The following ITFG1 variants were observed in gnomAD, a reference collection of about 807,000 sequenced individuals.
The protein encoded by ITFG1 is T-cell immunomodulatory protein.
A neutral mutation model predicts 81.8 loss-of-function variants in ITFG1; 34 were observed. The observed-to-expected ratio is 0.42, with a 90% CI of 0.32 to 0.55. The LOEUF (loss-of-function observed/expected upper bound fraction) is 0.55, where lower values mean the gene tolerates loss of function less well. Among genes scored for constraint, ITFG1 ranks in the 20% least tolerant of loss-of-function variants. ITFG1 has a pLI of 0.17. For missense variants in ITFG1, 672 were observed against 755.4 expected, an observed-to-expected ratio of 0.89 and a Z score of 1.29; for synonymous variants, 285 against 270.6, an observed-to-expected ratio of 1.05 and a Z score of -0.52.
At chr16:47,451,708 G>A (rs891637414) in intron 4 of ITFG1, among the ~76,000 whole-genome samples, 1 of 152,166 alleles carries the variant, frequency 6.6e-6, no homozygotes, top group Non-Finnish European at 1.5e-5. Flanking sequence ...GCAATGAGAA[G>A]GCATTGTGAT....
intron 14 of ITFG1, chr16:47,196,721 C>G (rs1381366560): frequency 2.6e-5 from 4 of 152,416 alleles, no homozygotes; most frequent in Admixed American, 2.6e-4. Context: ...CTTTGGGAGG[C>G]TGAGGCAGGT....
intron 2 of ITFG1, among the ~76,000 whole-genome samples, chr16:47,456,453 G>A (rs898949173): frequency 6.6e-6 from 1 of 152,118 alleles, no homozygotes; most frequent in Non-Finnish European, 1.5e-5. Flanking sequence ...ACTTTGGGAG[G>A]CCAAGGCAGG....
chr16:47,218,978 G>A (rs1274553208), intron 13 of ITFG1, 32 bp from the exon 14 acceptor site: 4 of 1,445,012 alleles, frequency 2.8e-6, no homozygotes, highest in Non-Finnish European at 2.8e-6. Flanking sequence ...GTTAAGGCTT[G>A]GAAAATAAGT....
At chr16:47,368,422 G>A (rs992461959) in intron 7 of ITFG1, among the ~76,000 whole-genome samples, 1 of 151,138 alleles carries the variant, frequency 6.6e-6, no homozygotes, top group Non-Finnish European at 1.5e-5. Context: ...GGGTTTGGTA[G>A]TGCACACCTG....
chr16:47,288,649 G>A (rs537594056), intron 10 of ITFG1, among the ~76,000 whole-genome samples: 6 of 151,812 alleles, frequency 4.0e-5, no homozygotes, highest in African/African-American at 1.4e-4. Flanking sequence ...TCGCTCTGTC[G>A]CTTAGACCAA....
chr16:47,438,879 A>T lies in ITFG1; in HGVS notation c.561-9981T>A, dbSNP rs180940476. Among the ~76,000 whole-genome samples, 220 of 152,122 alleles carry T rather than the reference A, an allele frequency of 1.4e-3. 3 individuals are homozygous for T. The highest frequency in any genetic ancestry group is 2.7e-3 in the Non-Finnish European group (185 of 67,898). Reference sequence around the variant, plus strand: ...AGAGAGGAAGGCTTCAGAAGATCAAACTACTCCGAGCTAAATGAGGAAGTT... The same window carrying T: ...AGAGAGGAAGGCTTCAGAAGATCAATCTACTCCGAGCTAAATGAGGAAGTT... On this transcript the variant is annotated intron_variant, in intron 5 of 17. Coordinates refer to ENST00000320640, the MANE Select transcript of ITFG1 (RefSeq NM_030790.5).
intron 8 of ITFG1, among the ~76,000 whole-genome samples, chr16:47,348,667 C>T (rs895163749): frequency 1.3e-5 from 2 of 152,296 alleles, no homozygotes; most frequent in African/African-American, 4.8e-5. Context: ...CTTCCCCAAC[C>T]TAGCAAGGCA....
chr16:47,186,485 T>A (rs1159856025), intron 14 of ITFG1, among the ~76,000 whole-genome samples: 1 of 152,144 alleles, frequency 6.6e-6, no homozygotes, highest in Non-Finnish European at 1.5e-5. Flanking sequence ...TAATCCAGCA[T>A]AGAAACAGAA....
At chr16:47,155,848 C>T (rs1964695822) in intron 17 of ITFG1, 70 bp from the exon 18 acceptor site, 1 of 1,047,784 alleles carries the variant, frequency 9.5e-7, no homozygotes. Context: ...TTCTGAAATA[C>T]ACAGTGATTC....
chr16:47,216,063 G>A (rs1965620643), intron 14 of ITFG1, among the ~76,000 whole-genome samples: 1 of 152,020 alleles, frequency 6.6e-6, no homozygotes, highest in African/African-American at 2.4e-5. Flanking sequence ...TAAAAATCAT[G>A]CTAAGTAAAT....
At chr16:47,455,409 C>T (rs1334082127) in intron 2 of ITFG1, among the ~76,000 whole-genome samples, 2 of 150,116 alleles carry the variant, frequency 1.3e-5, no homozygotes, top group South Asian at 2.1e-4. Context: ...AACAAACCAA[C>T]AACAGTATGC....
At chr16:47,228,660 GC>G (rs1405348485) in intron 13 of ITFG1, among the ~76,000 whole-genome samples, 1 of 152,192 alleles carries the variant, frequency 6.6e-6, no homozygotes. Context: ...GTAAGCCATG[GC>G]ATCTGACCCG....
chr16:47,379,075 T>G (rs574523982), intron 6 of ITFG1, among the ~76,000 whole-genome samples: 1 of 152,182 alleles, frequency 6.6e-6, no homozygotes, highest in Non-Finnish European at 1.5e-5. Flanking sequence ...AGGAGCTACC[T>G]TGCAGAAGGT....
chr16:47,435,441 A>G (rs1438618192), intron 5 of ITFG1, among the ~76,000 whole-genome samples: 3 of 152,204 alleles, frequency 2.0e-5, no homozygotes, highest in Non-Finnish European at 2.9e-5. Context: ...GAAAATTCCA[A>G]TTACTAGCTT....
intron 13 of ITFG1, among the ~76,000 whole-genome samples, chr16:47,233,216 AG>A: frequency 6.6e-6 from 1 of 152,246 alleles, no homozygotes; most frequent in East Asian, 1.9e-4. Flanking sequence ...AACTTTTCTT[AG>A]ATCTTTCAGA....
intron 14 of ITFG1, among the ~76,000 whole-genome samples, chr16:47,213,512 C>T (rs1031451855): frequency 1.3e-5 from 2 of 152,250 alleles, no homozygotes; most frequent in East Asian, 1.9e-4. Context: ...AGGTCTCCAA[C>T]TATAAATGTA....
At chr16:47,449,680 GACCAGA>G (rs1269189239) in intron 5 of ITFG1, 4 of 151,968 alleles carry the variant, frequency 2.6e-5, no homozygotes, top group Admixed American at 2.0e-4. Context: ...TAGTATATTG[GACCAGA>G]ATATAACATA....
chr16:47,243,360 C>A (rs1018541994), intron 12 of ITFG1, among the ~76,000 whole-genome samples: 5 of 151,858 alleles, frequency 3.3e-5, no homozygotes, highest in African/African-American at 9.7e-5. Context: ...TTTAATAGAC[C>A]ATCTGCATTA....
chr16:47,240,391 AC>A (rs1195534152), intron 12 of ITFG1, among the ~76,000 whole-genome samples: 1 of 152,060 alleles, frequency 6.6e-6, no homozygotes, highest in Non-Finnish European at 1.5e-5. Context: ...TTACCTCCCT[AC>A]GTAAAATGTA....
Sources: gnomAD v4.1 joint callset for allele counts (sites outside exome capture counted in the v4.1 genomes callset) on GRCh38, gnomAD v4.1.1 for gene constraint, MANE v1.5 for transcripts, NCBI Gene and HGNC (gene_info 2026-07-23, HGNC 2026-07-21) for gene names.